Variants in ADGRF5 observed in about 807,000 individuals in gnomAD.
ADGRF5 encodes the protein G-protein coupled receptor 116.
Under a neutral mutation model 132.3 loss-of-function variants are expected in ADGRF5, and 75 were observed. That is an observed-to-expected ratio of 0.57 (90% confidence interval 0.47 to 0.69). ADGRF5 has a LOEUF of 0.69. Among genes scored for constraint, ADGRF5 ranks in the 30% least tolerant of loss-of-function variants. ADGRF5 has a pLI of 0.00. For missense variants in ADGRF5, 1,516 were observed against 1,630.6 expected (o/e 0.93, Z 1.21); for synonymous variants, 629 against 597.6 (o/e 1.05, Z -0.77).
intron 1 of ADGRF5, among the ~76,000 whole-genome samples, chr6:46,943,970 G>A (rs569557022): frequency 2.6e-5 from 4 of 152,152 alleles, no homozygotes; most frequent in Non-Finnish European, 5.9e-5. Context: ...GAGAAATACA[G>A]GGAGGGACCC....
chr6:46,892,406 GA>G (rs1281715493), intron 3 of ADGRF5, among the ~76,000 whole-genome samples: 1 of 152,020 alleles, frequency 6.6e-6, no homozygotes, highest in African/African-American at 2.4e-5. Flanking sequence ...ATAAATCAAA[GA>G]ATTATGTAAG....
Position 46,893,055 on chromosome 6 carries a change from G to A in ADGRF5, c.158-4550C>T, listed in dbSNP as rs139986899. ...GAAGGCAAGAGTGATGGGGACAACAGGGATTTTTTTTTTTTTTTTTTTTTT... is the reference window on the plus strand; with the variant it reads ...GAAGGCAAGAGTGATGGGGACAACAAGGATTTTTTTTTTTTTTTTTTTTTT... On this transcript the variant is annotated intron_variant, in intron 3 of 20. Coordinates refer to ENST00000283296, the MANE Select transcript of ADGRF5 (RefSeq NM_001098518.2). Among the ~76,000 whole-genome samples the A allele has an allele frequency of 8.0e-3, 883 of 110,312 alleles. 8 individuals carry two copies. Among genetic ancestry groups the A allele is most frequent in the Middle Eastern group, 0.015 (3 of 206 alleles). 72.4% of individuals were successfully genotyped at this position (110,312 alleles called of 152,430 possible).
In ADGRF5 at chr6:46,852,818, A is replaced by G. The variant is rs1379056143; in HGVS notation, c.*1174T>C. ...TTAGACCATGCAAAACTCTTAATGT[A>G]TATTGGTCTGGGAACTTAAAGATGG... On this transcript the variant is annotated 3_prime_UTR_variant, in exon 21 of 21. Transcript: ENST00000283296. The G allele has an allele frequency of 6.6e-6, 1 of 152,208 alleles. No individual in the cohort carries two copies. The highest frequency in any genetic ancestry group is 1.5e-5 in the Non-Finnish European group (1 of 68,032). 9.4% of individuals were successfully genotyped at this position (152,208 alleles called of 1,614,324 possible). A position where few individuals can be genotyped will look rare whatever the true frequency, so the allele number is the denominator to read the frequency against.
intron 1 of ADGRF5, among the ~76,000 whole-genome samples, chr6:46,929,498 T>TAAAATAAAAATA (rs10625233): frequency 1.2e-4 from 16 of 135,252 alleles, no homozygotes; most frequent in South Asian, 7.1e-4. Flanking sequence ...ATAATAATAA[T>TAAAATAAAAATA]AAAATAAAAA....
At chr6:46,916,637 C>T (rs1305814151) in intron 1 of ADGRF5, among the ~76,000 whole-genome samples, 1 of 152,206 alleles carries the variant, frequency 6.6e-6, no homozygotes, top group Admixed American at 6.5e-5. Context: ...CTCCTTTCTT[C>T]CCTGACCAAT....
In ADGRF5 at chr6:46,883,582, A is replaced by G; in HGVS notation, c.589T>C (p.Tyr197His). ...ACCGCTGTTTCCAAGTCGGTCTTGTAGGACCTATAGAGGGCGGAGGAAGTG... is the reference window on the plus strand; with the variant it reads ...ACCGCTGTTTCCAAGTCGGTCTTGTGGGACCTATAGAGGGCGGAGGAAGTG... ...MNTSSALYRSYKTDLETAFRK... is the reference protein window; with the variant it reads ...MNTSSALYRSHKTDLETAFRK... Residue 197 changes from tyrosine to histidine, a missense_variant, in exon 6 of 21, where the codon TAC becomes CAC. This residue lies in a region of ADGRF5 where 945 missense variants were observed against 929.4 expected (regional missense o/e 1.02). Transcript: ENST00000283296. 6.2e-7 allele frequency: 1 copy of G among 1,606,516 alleles called. No individual in the cohort carries two copies. Among genetic ancestry groups the G allele is most frequent in the Non-Finnish European group, 8.5e-7 (1 of 1,175,814 alleles).
In ADGRF5 at chr6:46,881,588, A is replaced by T; in HGVS notation, c.681T>A (p.Ser227Arg). Residue 227 changes from serine to arginine, a missense_variant, in exon 8 of 21, where the codon AGT (serine) becomes AGA (arginine). By Grantham distance (110) the Ser-to-Arg change is moderately radical. Coordinates refer to ENST00000283296, the MANE Select transcript of ADGRF5 (RefSeq NM_001098518.2). ...GVTVTGFKSGSVVVTYEVKTT... is the reference protein window; with the variant it reads ...GVTVTGFKSGRVVVTYEVKTT... ...TCTTGACTTCATATGTCACAACCAC[A>T]CTTCCAGACCTGGACAGAGACCACT... 6.2e-7 allele frequency: 1 copy of T among 1,613,872 alleles called. No individual in the cohort carries two copies. Among genetic ancestry groups the T allele is most frequent in the Non-Finnish European group, 8.5e-7 (1 of 1,179,812 alleles).
At chr6:46,904,480 G>A (rs1021483440) in intron 2 of ADGRF5, among the ~76,000 whole-genome samples, 1 of 152,210 alleles carries the variant, frequency 6.6e-6, no homozygotes, top group East Asian at 1.9e-4. Flanking sequence ...CCACCTACAG[G>A]AGTTATCTAG....
At chr6:46,911,241 C>G (rs987481591) in intron 1 of ADGRF5, among the ~76,000 whole-genome samples, 2 of 152,296 alleles carry the variant, frequency 1.3e-5, no homozygotes, top group African/African-American at 4.8e-5. Context: ...CTCTCCATAA[C>G]CTGGACTTTA....
intron 3 of ADGRF5, among the ~76,000 whole-genome samples, chr6:46,896,688 C>CATATGTGATACATAT (rs919751978): frequency 2.4e-3 from 369 of 151,354 alleles, no homozygotes; most frequent in African/African-American, 8.1e-3. Context: ...ATGTGACATA[C>CATATGTGATACATAT]ATATGTGATA....
At chr6:46,908,470 G>A (rs943298606) in intron 1 of ADGRF5, among the ~76,000 whole-genome samples, 3 of 152,084 alleles carry the variant, frequency 2.0e-5, no homozygotes, top group Admixed American at 6.5e-5. Context: ...AATAGTTAAT[G>A]AGCCTCCCTT....
At chr6:46,915,326 A>T (rs1165778910) in intron 1 of ADGRF5, among the ~76,000 whole-genome samples, 2 of 148,040 alleles carry the variant, frequency 1.4e-5, no homozygotes, top group African/African-American at 4.9e-5. Flanking sequence ...TGGACCAATC[A>T]GAACAATCTC....
chr6:46,935,810 A>C (rs1777792599), intron 1 of ADGRF5, among the ~76,000 whole-genome samples: 1 of 152,122 alleles, frequency 6.6e-6, no homozygotes, highest in African/African-American at 2.4e-5. Context: ...TGAAAAAAAC[A>C]AGTGTGTTGT....
At chr6:46,875,695 T>C (rs553887986) in intron 10 of ADGRF5, among the ~76,000 whole-genome samples, 1 of 152,264 alleles carries the variant, frequency 6.6e-6, no homozygotes, top group Non-Finnish European at 1.5e-5. Context: ...GAGAATCCCT[T>C]GAACCCCAGG....
intron 3 of ADGRF5, among the ~76,000 whole-genome samples, chr6:46,895,323 C>T (rs1774063286): frequency 6.6e-6 from 1 of 151,948 alleles, no homozygotes; most frequent in Non-Finnish European, 1.5e-5. Flanking sequence ...AAACCAACTC[C>T]ACACACCAGC....
intron 12 of ADGRF5, among the ~76,000 whole-genome samples, chr6:46,867,572 C>T (rs1770590845): frequency 6.6e-6 from 1 of 152,156 alleles, no homozygotes; most frequent in Non-Finnish European, 1.5e-5. Context: ...TCTCCCATCT[C>T]TAAGTGAGCA....
chr6:46,897,145 T>TAC (rs10655432), intron 3 of ADGRF5, among the ~76,000 whole-genome samples: 17,098 of 141,694 alleles, frequency 0.12, 1,179 homozygotes, highest in Admixed American at 0.23. Flanking sequence ...TGCATATATA[T>TAC]ACACACACAC....
intron 17 of ADGRF5, among the ~76,000 whole-genome samples, chr6:46,857,185 G>A (rs1562134120): frequency 6.6e-6 from 1 of 152,176 alleles, no homozygotes; most frequent in Non-Finnish European, 1.5e-5. Flanking sequence ...TACACCTCTT[G>A]TGTCTACAAT....
intron 14 of ADGRF5, among the ~76,000 whole-genome samples, 154 bp downstream of exon 14, chr6:46,864,888 C>A (rs1199494950): frequency 6.6e-6 from 1 of 152,118 alleles, no homozygotes; most frequent in Non-Finnish European, 1.5e-5. Context: ...TGGCTTATTT[C>A]TTTTCTTTTA....
Sources: allele counts gnomAD v4.1 joint callset (sites outside exome capture counted in the v4.1 genomes callset), GRCh38; gene constraint gnomAD v4.1.1; regional missense constraint gnomAD v4.1.1; transcripts MANE v1.5; gene names NCBI Gene and HGNC (gene_info 2026-07-23, HGNC 2026-07-21).